The following NRG1 variants were observed in gnomAD, a reference collection of about 807,000 sequenced individuals.
NRG1 encodes the protein pro-neuregulin-1, membrane-bound isoform.
Under a neutral mutation model 63.8 loss-of-function variants are expected in NRG1, and 18 were observed. The observed-to-expected ratio is 0.28, with a 90% CI of 0.19 to 0.42. NRG1 has a LOEUF of 0.42. Ranked by LOEUF, NRG1 falls within the 10% of genes least tolerant of loss-of-function variation. NRG1 has a pLI of 1.00. For synonymous variants in NRG1, 302 were observed against 301.3 expected, an observed-to-expected ratio of 1.00 and a Z score of -0.02; for missense variants, 762 against 814.7, an observed-to-expected ratio of 0.94 and a Z score of 0.79.
chr8:32,719,335 G>T (rs1344195322), intron 5 of NRG1, among the ~76,000 whole-genome samples: 2 of 151,932 alleles, frequency 1.3e-5, no homozygotes, highest in African/African-American at 4.8e-5. Flanking sequence ...AAGGGATTGT[G>T]TAATGAATCT....
chr8:32,539,560 G>C lies in NRG1; in HGVS notation c.38-56268G>C, dbSNP rs1004512630. Among the ~76,000 whole-genome samples the C allele has an allele frequency of 9.0e-4, 137 of 152,106 alleles. 4 individuals carry two copies. Among genetic ancestry groups the C allele is most frequent in the Non-Finnish European group, 7.4e-5 (5 of 68,008 alleles). On this transcript the variant is annotated intron_variant, in intron 1 of 10. Coordinates refer to the NRG1 transcript ENST00000519301. ...CTGAGCTCTGTCTGGCTTTTTTTGC[G>C]GGGAAGAGATGGAGATTAATGAATT...
At chr8:32,294,256 C>A (rs569794546) in intron 1 of NRG1, among the ~76,000 whole-genome samples, 1 of 152,174 alleles carries the variant, frequency 6.6e-6, no homozygotes, top group African/African-American at 2.4e-5. Context: ...GGGCAGAAAA[C>A]GCATTTTAGT....
rs572918611 is a variant in NRG1 at position 32,529,923 on chromosome 8, C to T, written c.38-65905C>T. On this transcript the variant is annotated intron_variant, in intron 1 of 10. Transcript: ENST00000519301. ...ATAAAAAGGATAGTAAATACATAGA[C>T]CAGTAACATAGTCATTTAGTGTCAT... Among the ~76,000 whole-genome samples, 13 of 152,212 alleles carry T rather than the reference C, an allele frequency of 8.5e-5. No homozygotes were observed. The South Asian group carries it at 2.3e-3, about 27-fold the overall frequency.
chr8:31,759,938 T>C (rs547161012), intron 1 of NRG1, among the ~76,000 whole-genome samples: 2 of 152,298 alleles, frequency 1.3e-5, no homozygotes, highest in South Asian at 2.1e-4. Context: ...ATTAAATGTA[T>C]TCACAAGCGT....
intron 1 of NRG1, among the ~76,000 whole-genome samples, chr8:32,492,735 A>T (rs1328954053): frequency 6.6e-6 from 1 of 152,058 alleles, no homozygotes; most frequent in Non-Finnish European, 1.5e-5. Flanking sequence ...CTTTCCATTG[A>T]TTGGAAACCT....
At chr8:31,905,923 T>G (rs1832484601) in intron 1 of NRG1, among the ~76,000 whole-genome samples, 1 of 152,226 alleles carries the variant, frequency 6.6e-6, no homozygotes, top group Non-Finnish European at 1.5e-5. Flanking sequence ...CTATTCTAAG[T>G]ATGTTAAATG....
chr8:32,461,575 G>T (rs920070434), intron 1 of NRG1, among the ~76,000 whole-genome samples: 2 of 152,092 alleles, frequency 1.3e-5, no homozygotes, highest in African/African-American at 4.8e-5. Context: ...GCGGGCGCCT[G>T]TAATCCCAGC....
At chr8:32,612,758 T>C (rs1031442120) in intron 3 of NRG1, among the ~76,000 whole-genome samples, 1 of 152,052 alleles carries the variant, frequency 6.6e-6, no homozygotes, top group African/African-American at 2.4e-5. Context: ...GATATCCGAA[T>C]TGGGATTGGG....
chr8:32,065,969 C>T (rs561494852), intron 1 of NRG1, among the ~76,000 whole-genome samples: 12 of 152,314 alleles, frequency 7.9e-5, no homozygotes, highest in Admixed American at 6.5e-4. Context: ...TTTCTTTTGG[C>T]CGCATAAATG....
chr8:31,847,994 G>T (rs1826847369), intron 1 of NRG1, among the ~76,000 whole-genome samples: 1 of 152,258 alleles, frequency 6.6e-6, no homozygotes, highest in East Asian at 1.9e-4. Context: ...TGACACTAGG[G>T]TTCCTAAATA....
chr8:31,791,423 G>C (rs1271074396), intron 1 of NRG1, among the ~76,000 whole-genome samples: 1 of 151,798 alleles, frequency 6.6e-6, no homozygotes, highest in Non-Finnish European at 1.5e-5. Flanking sequence ...AACACCATAG[G>C]GAAATAGAAA....
rs577252494 is a variant in NRG1 at position 31,678,558 on chromosome 8, C to T, written c.37+39127C>T. ...TTGGTTTCTTCACTTACGCTTTTTC[C>T]ATATATATTTTTTTGACAAGTCTGT... is the stretch of plus-strand genomic sequence containing the variant. On this transcript the variant is annotated intron_variant, in intron 1 of 10. Transcript: ENST00000519301. Among the ~76,000 whole-genome samples, 27 of 151,630 alleles carry T rather than the reference C, an allele frequency of 1.8e-4. No homozygotes were observed. In the South Asian group the frequency reaches 5.4e-3, roughly 30 times the overall value.
At chr8:32,212,978 G>A (rs917088911) in intron 1 of NRG1, among the ~76,000 whole-genome samples, 7 of 152,066 alleles carry the variant, frequency 4.6e-5, no homozygotes, top group Non-Finnish European at 8.8e-5. Flanking sequence ...TCTGTTCTTG[G>A]GAGATGGTTT....
At chr8:31,738,458 C>A (rs891098366) in intron 1 of NRG1, among the ~76,000 whole-genome samples, 20 of 152,066 alleles carry the variant, frequency 1.3e-4, no homozygotes, top group African/African-American at 4.8e-4. Context: ...ATTTCTTATT[C>A]TCAAAGCATA....
At chr8:32,668,781 A>G (rs2128890006) in intron 5 of NRG1, among the ~76,000 whole-genome samples, 1 of 152,310 alleles carries the variant, frequency 6.6e-6, no homozygotes, top group Non-Finnish European at 1.5e-5. Flanking sequence ...TCAAGACTAT[A>G]TAATGTTAGA....
At chr8:32,111,094 A>G (rs916642838) in intron 1 of NRG1, among the ~76,000 whole-genome samples, 3 of 151,956 alleles carry the variant, frequency 2.0e-5, no homozygotes, top group Non-Finnish European at 2.9e-5. Flanking sequence ...CTAAGGTATC[A>G]TTTTGCTGAG....
intron 5 of NRG1, among the ~76,000 whole-genome samples, chr8:32,686,103 T>C (rs1810038435): frequency 6.6e-6 from 1 of 152,226 alleles, no homozygotes; most frequent in Admixed American, 6.5e-5. Flanking sequence ...TGTGGTCTAG[T>C]CTAAGTTATT....
At chr8:32,587,920 G>C (rs201285195) in intron 1 of NRG1, among the ~76,000 whole-genome samples, 22 of 95,156 alleles carry the variant, frequency 2.3e-4, no homozygotes, top group South Asian at 2.3e-3. Context: ...TTTTTGTTTT[G>C]TTTTGTTTTG....
chr8:32,301,536 T>C (rs1257080870), intron 1 of NRG1, among the ~76,000 whole-genome samples: 1 of 152,222 alleles, frequency 6.6e-6, no homozygotes, highest in African/African-American at 2.4e-5. Context: ...ATTTTCGTGC[T>C]GCTGATAAAG....
Sources: allele counts gnomAD v4.1 joint callset (sites outside exome capture counted in the v4.1 genomes callset), GRCh38; gene constraint gnomAD v4.1.1; transcripts MANE v1.5; gene names NCBI Gene and HGNC (gene_info 2026-07-23, HGNC 2026-07-21).